Variants in FRMPD4 observed in about 807,000 individuals in gnomAD.
FRMPD4 encodes the protein FERM and PDZ domain containing 4.
A neutral mutation model predicts 94.1 loss-of-function variants in FRMPD4; 22 were observed. That is an observed-to-expected ratio of 0.23 (90% confidence interval 0.17 to 0.33). The LOEUF is 0.33. FRMPD4 is among the 10% of genes least tolerant of loss of function. FRMPD4 has a pLI of 1.00. For missense variants in FRMPD4, 1,111 were observed against 1,339.9 expected (o/e 0.83, Z 2.67); for synonymous variants, 631 against 548.6 (o/e 1.15, Z -2.10).
At chrX:12,086,400 A>G (rs1014338246) in intron 3 of FRMPD4, among the ~76,000 whole-genome samples, 1 of 112,284 alleles carries the variant, frequency 8.9e-6, no homozygotes, top group African/African-American at 3.2e-5. Flanking sequence ...TAATAACTCA[A>G]AGAACACATC....
intron 1 of FRMPD4, among the ~76,000 whole-genome samples, chrX:12,347,355 A>G (rs2055729430): frequency 9.0e-6 from 1 of 110,628 alleles, no homozygotes; most frequent in African/African-American, 3.3e-5. Context: ...CTTCTGCCTC[A>G]GCCTCTCAAG....
chrX:12,543,015 C>T (rs2058433839), intron 2 of FRMPD4, among the ~76,000 whole-genome samples: 1 of 111,903 alleles, frequency 8.9e-6, no homozygotes, highest in Admixed American at 9.5e-5. Context: ...ATAAATGGTG[C>T]TGGGAAAACT....
chrX:12,169,932 C>T (rs961337822), intron 1 of FRMPD4, among the ~76,000 whole-genome samples: 2 of 111,387 alleles, frequency 1.8e-5, no homozygotes, highest in Non-Finnish European at 3.8e-5. Context: ...TAAAAACAGG[C>T]AGTGGGCCAG....
intron 1 of FRMPD4, among the ~76,000 whole-genome samples, chrX:12,317,585 C>CAAAAAAAAAAAAAAAAAAAAAA (rs376884335): frequency 7.1e-5 from 3 of 42,448 alleles, no homozygotes; most frequent in Admixed American, 3.2e-4. Context: ...AACTAAATAG[C>CAAAAAAAAAAAAAAAAAAAAAA]AAAAAAAAAA....
chrX:12,258,758 C>T lies in FRMPD4; in HGVS notation c.41+119746C>T, dbSNP rs143419545. On this transcript the variant is annotated intron_variant, in intron 1 of 16. Coordinates refer to ENST00000675598, the MANE Select transcript of FRMPD4 (RefSeq NM_001368397.1). ...ATACATGTATACAATGTGTAATGAT[C>T]AAATCAGTGTAATTGGGATATCTAC... Among the ~76,000 whole-genome samples the T allele has an allele frequency of 5.8e-3, 642 of 111,378 alleles. 2 individuals are homozygous for T. Among genetic ancestry groups the T allele is most frequent in the African/African-American group, 0.02 (600 of 30,655 alleles).
At chrX:11,865,181 G>A (rs1048602977) in exon 2 of FRMPD4, among the ~76,000 whole-genome samples, 2 of 111,879 alleles carry the variant, frequency 1.8e-5, no homozygotes, top group Non-Finnish European at 3.8e-5. Flanking sequence ...CCCAAACCTT[G>A]CCCTTCCATG....
chrX:12,405,370 CT>C (rs971733023), intron 1 of FRMPD4, among the ~76,000 whole-genome samples: 5 of 107,891 alleles, frequency 4.6e-5, no homozygotes, highest in African/African-American at 1.0e-4. Context: ...AAATTCTGAA[CT>C]TTTTTTTTTA....
At chrX:12,607,317 A>G (rs766103480) in intron 2 of FRMPD4, among the ~76,000 whole-genome samples, 2 of 111,321 alleles carry the variant, frequency 1.8e-5, no homozygotes, top group East Asian at 5.6e-4. Context: ...GGGTCCCGAA[A>G]AACACCTGCA....
intron 4 of FRMPD4, among the ~76,000 whole-genome samples, chrX:12,650,683 C>T (rs2059588279): frequency 8.9e-6 from 1 of 112,219 alleles, no homozygotes; most frequent in African/African-American, 3.2e-5. Flanking sequence ...TCCAAATAGA[C>T]CAGAAGAGAG....
chrX:12,149,177 G>C (rs1342027555), intron 1 of FRMPD4: 1 of 112,050 alleles, frequency 8.9e-6, no homozygotes, highest in African/African-American at 3.2e-5. Context: ...CAGTCAGTTA[G>C]AGATTGAATT....
intron 1 of FRMPD4, among the ~76,000 whole-genome samples, chrX:12,497,566 A>T (rs12391400): frequency 2.7e-5 from 3 of 110,335 alleles, no homozygotes; most frequent in African/African-American, 9.9e-5. Flanking sequence ...TTAGTAGTCA[A>T]TGGGCCACAG....
intron 1 of FRMPD4, among the ~76,000 whole-genome samples, chrX:12,300,046 T>G (rs1205029571): frequency 1.8e-5 from 2 of 111,615 alleles, no homozygotes; most frequent in African/African-American, 6.5e-5. Context: ...TGGGACACAG[T>G]GATTCTGACT....
chrX:12,641,678 A>G (rs1408177399), intron 4 of FRMPD4, among the ~76,000 whole-genome samples: 2 of 112,475 alleles, frequency 1.8e-5, no homozygotes, highest in Non-Finnish European at 3.8e-5. Context: ...TTCTAGCCCA[A>G]CATTCCACAT....
At chrX:11,883,315 GTTCTCAA>G (rs1483851636) in intron 3 of FRMPD4, among the ~76,000 whole-genome samples, 1 of 112,014 alleles carries the variant, frequency 8.9e-6, no homozygotes, top group Non-Finnish European at 1.9e-5. Flanking sequence ...TTTCACCTCA[GTTCTCAA>G]TGATTTGCCA....
chrX:11,823,304 TA>T, intron 1 of FRMPD4, among the ~76,000 whole-genome samples: 1 of 108,998 alleles, frequency 9.2e-6, no homozygotes, highest in East Asian at 2.8e-4. Context: ...ATAATAATAA[TA>T]ATTATTATTA....
intron 5 of FRMPD4, among the ~76,000 whole-genome samples, chrX:12,680,752 G>A (rs190586025): frequency 8.8e-4 from 98 of 111,218 alleles, no homozygotes; most frequent in South Asian, 1.6e-3. Flanking sequence ...TTATTGCATC[G>A]TAAATAAATA....
chrX:12,635,323 G>A (rs775220108), intron 4 of FRMPD4, among the ~76,000 whole-genome samples: 5 of 111,652 alleles, frequency 4.5e-5, no homozygotes, highest in South Asian at 7.6e-4. Context: ...AGGGAAGTGG[G>A]GTGTTGAGGC....
rs1281501147 is a variant in FRMPD4 at position 12,720,930 on chromosome X, A to G, written c.4361A>G (p.Lys1454Arg). The G allele has an allele frequency of 3.7e-6, 3 of 808,489 alleles. No individual in the cohort carries two copies. Among genetic ancestry groups the G allele is most frequent in the Non-Finnish European group, 4.5e-6 (3 of 673,448 alleles). 66.6% of individuals were successfully genotyped at this position (808,489 alleles called of 1,213,427 possible). A position where few individuals can be genotyped will look rare whatever the true frequency, so the allele number is the denominator to read the frequency against. The change falls in exon 17 of 17, where the codon AAA becomes AGA. Residue 1454 changes from lysine to arginine, a missense_variant. By Grantham distance (26) the Lys-to-Arg change is conservative. Transcript: ENST00000675598. ...AELPLGRKLT[K>R]SFSQSSMHLS... ...CTCCCCCTGGGGAGGAAGCTCACCA[A>G]AAGTTTTTCCCAAAGCTCAATGCAC...
intron 3 of FRMPD4, among the ~76,000 whole-genome samples, chrX:11,884,903 A>C (rs1175848197): frequency 8.9e-6 from 1 of 111,892 alleles, no homozygotes; most frequent in East Asian, 2.8e-4. Flanking sequence ...CACAGATTTC[A>C]CATTTTGGTG....
Sources: allele counts gnomAD v4.1 joint callset (sites outside exome capture counted in the v4.1 genomes callset), GRCh38; gene constraint gnomAD v4.1.1; transcripts MANE v1.5; gene names NCBI Gene and HGNC (gene_info 2026-07-23, HGNC 2026-07-21).